MYOM2: variants seen among roughly 807,000 people sequenced by gnomAD.
MYOM2 encodes myomesin 2.
Under a neutral mutation model 187.6 loss-of-function variants are expected in MYOM2, and 254 were observed. The ratio of observed to expected loss-of-function variants is 1.35; its 90% CI spans 1.22 to 1.50. The LOEUF is 1.50. Ranked by LOEUF, MYOM2 falls within the 40% of genes most tolerant of loss-of-function variation. The pLI is 0.00. For missense variants in MYOM2, 2,796 were observed against 1,924.0 expected (o/e 1.45, Z -8.48); for synonymous variants, 981 against 753.8 (o/e 1.30, Z -4.94).
intron 32 of MYOM2, among the ~76,000 whole-genome samples, chr8:2,135,501 C>T (rs1015646175): frequency 2.6e-5 from 4 of 152,126 alleles, no homozygotes; most frequent in Non-Finnish European, 4.4e-5. Context: ...CTTCTCTCCT[C>T]CTCCCTGCTC....
chr8:2,078,622 G>T lies in MYOM2; in HGVS notation c.1263-112G>T, dbSNP rs751507600. On this transcript the variant is annotated intron_variant, in intron 11 of 36. Coordinates refer to ENST00000262113, the MANE Select transcript of MYOM2 (RefSeq NM_003970.4). Reference sequence around the variant, plus strand: ...TCTTAGCAGCAAAGATTTTACTGGCGTGAGATATTGTCCTGTTATAATCAG... The same window carrying T: ...TCTTAGCAGCAAAGATTTTACTGGCTTGAGATATTGTCCTGTTATAATCAG... The T allele has an allele frequency of 6.3e-6, 6 of 949,786 alleles. No individual in the cohort carries two copies. The Admixed American group carries it at 1.0e-4, about 16-fold the overall frequency. The allele number at this position is 949,786 out of a possible 1,614,324, so 58.8% of individuals were successfully genotyped here. A position where few individuals can be genotyped will look rare whatever the true frequency, so the allele number is the denominator to read the frequency against.
chr8:2,070,148 G>A (rs1051361257), intron 8 of MYOM2, among the ~76,000 whole-genome samples: 19 of 152,244 alleles, frequency 1.2e-4, no homozygotes, highest in African/African-American at 4.3e-4. Flanking sequence ...AGGGCATCTG[G>A]AGGACGGGGA....
At chr8:2,124,143 CAT>C (rs775149680) in intron 30 of MYOM2, 34 bp from the exon 31 acceptor site, 18 of 1,593,586 alleles carry the variant, frequency 1.1e-5, no homozygotes, top group Non-Finnish European at 1.5e-5. Context: ...GTTAAAGTTA[CAT>C]GTCGTAATGG....
At chr8:2,104,947 A>T (rs913593808) in intron 21 of MYOM2, among the ~76,000 whole-genome samples, 19 of 152,158 alleles carry the variant, frequency 1.2e-4, no homozygotes, top group Admixed American at 9.2e-4. Flanking sequence ...AATTTTTATT[A>T]TTCTGTTTTT....
At chr8:2,095,918 A>G (rs962970164) in intron 17 of MYOM2, among the ~76,000 whole-genome samples, 3 of 152,338 alleles carry the variant, frequency 2.0e-5, no homozygotes, top group African/African-American at 4.8e-5. Context: ...AGCTTCTTTC[A>G]AGGGGCCGAG....
chr8:2,086,354 G>A lies in MYOM2; in HGVS notation c.1644+964G>A, dbSNP rs1168697805. On this transcript the variant is annotated intron_variant, in intron 14 of 36. Coordinates refer to ENST00000262113, the MANE Select transcript of MYOM2 (RefSeq NM_003970.4). Reference sequence around the variant, plus strand: ...GGCCCCCCACTGTTGTGATCTCTGCGTGGCCTCCCACTGTTGTGATCTCTG... The same window carrying A: ...GGCCCCCCACTGTTGTGATCTCTGCATGGCCTCCCACTGTTGTGATCTCTG... 7.4e-5 allele frequency among the ~76,000 whole-genome samples: 4 copies of A among 54,352 alleles called. 1 individual carries two copies. Among genetic ancestry groups the A allele is most frequent in the African/African-American group, 1.6e-4 (2 of 12,874 alleles). The allele number at this position is 54,352 out of a possible 152,430, so 35.7% of individuals were successfully genotyped here.
At chr8:2,045,295 C>T (rs941275943) in intron 1 of MYOM2, 127 bp downstream of exon 1, 7 of 152,254 alleles carry the variant, frequency 4.6e-5, no homozygotes, top group Non-Finnish European at 1.0e-4. Flanking sequence ...TGCACCCCGT[C>T]GCAGGCACCC....
At chr8:2,125,708 A>C (rs899595038) in intron 31 of MYOM2, among the ~76,000 whole-genome samples, 1 of 146,456 alleles carries the variant, frequency 6.8e-6, no homozygotes, top group Non-Finnish European at 1.5e-5. Flanking sequence ...CCTGGGTTCA[A>C]GCGATTTTCC....
rs1034781021 is a variant in MYOM2, at chr8:2,059,026, C to T, written c.561-127C>T. On this transcript the variant is annotated intron_variant, in intron 5 of 36. Transcript: ENST00000262113. ...GGCCTCACCGTCAGGGCTCTGTCCT[C>T]CTCCCGCCTGAGGCTCTAAGGGAAA... The T allele has an allele frequency of 9.6e-6, 7 of 729,414 alleles. No homozygotes were observed. In the African/African-American group the frequency reaches 1.0e-4, roughly 11 times the overall value. The allele number at this position is 729,414 out of a possible 1,614,324, so 45.2% of individuals were successfully genotyped here.
At chr8:2,090,570 G>C (rs971281426) in intron 15 of MYOM2, among the ~76,000 whole-genome samples, 7 of 152,120 alleles carry the variant, frequency 4.6e-5, no homozygotes, top group African/African-American at 1.7e-4. Flanking sequence ...TCGTCACCCA[G>C]GTACCAAGCC....
intron 12 of MYOM2, 64 bp from the exon 13 acceptor site, chr8:2,079,496 G>A (rs1239537334): frequency 7.2e-6 from 11 of 1,529,786 alleles, no homozygotes; most frequent in Non-Finnish European, 9.1e-6. Flanking sequence ...CACAGAATGA[G>A]GGAAAACGGG....
chr8:2,126,381 C>G (rs1306604805), intron 31 of MYOM2, among the ~76,000 whole-genome samples: 1 of 152,102 alleles, frequency 6.6e-6, no homozygotes, highest in African/African-American at 2.4e-5. Context: ...CTCACATCCC[C>G]ACACTCACAC....
chr8:2,131,187 G>C (rs1032426556), intron 32 of MYOM2, among the ~76,000 whole-genome samples: 19 of 152,116 alleles, frequency 1.2e-4, no homozygotes, highest in African/African-American at 4.1e-4. Flanking sequence ...GTAGATGTAG[G>C]TCATGTTAGT....
rs565382890 is a variant in MYOM2, at chr8:2,095,987, A to G, written c.2126-260A>G. ...ATACCAGATTTAAACCGTTCATCCT[A>G]TGGAAGCCTTAGTAGATACACTTAG... On this transcript the variant is annotated intron_variant, in intron 17 of 36. Coordinates refer to ENST00000262113, the MANE Select transcript of MYOM2 (RefSeq NM_003970.4). Among the ~76,000 whole-genome samples the G allele has an allele frequency of 2.6e-5, 4 of 152,216 alleles. No homozygotes were observed. In the South Asian group the frequency reaches 6.2e-4, roughly 24 times the overall value.
Position 2,094,032 on chromosome 8 carries a change from C to A in MYOM2, c.2066C>A (p.Ala689Asp), listed in dbSNP as rs1170327681. Residue 689 changes from alanine to aspartate, a missense_variant, in exon 17 of 37, where the codon GCT becomes GAT. Physicochemically the swap from Ala to Asp is moderately radical, Grantham distance 126 (BLOSUM62 -2). Coordinates refer to ENST00000262113, the MANE Select transcript of MYOM2 (RefSeq NM_003970.4). ...ATCTTCCGAGTCAAGGCGGTCAATGCTGTGGGGATGAGTGAAAATTCCCAG... is the reference window on the plus strand; with the variant it reads ...ATCTTCCGAGTCAAGGCGGTCAATGATGTGGGGATGAGTGAAAATTCCCAG... Reference protein sequence around the residue: ...QYIFRVKAVNAVGMSENSQES... With the variant: ...QYIFRVKAVNDVGMSENSQES... 6 of 1,614,130 alleles carry A rather than the reference C, an allele frequency of 3.7e-6. No homozygotes were observed. Among genetic ancestry groups the A allele is most frequent in the Non-Finnish European group, 5.1e-6 (6 of 1,180,022 alleles).
chr8:2,112,936 G>A (rs562048322), intron 25 of MYOM2, among the ~76,000 whole-genome samples: 59 of 152,286 alleles, frequency 3.9e-4, no homozygotes, highest in African/African-American at 1.3e-3. Flanking sequence ...CTCATTTGCC[G>A]AGCACCACAG....
rs139081548 is a variant in MYOM2 at position 2,141,169 on chromosome 8, G to A, written c.3993G>A (p.Gln1331=). The change falls in exon 34 of 37, where the codon CAG becomes CAA. Residue 1331 remains glutamine (Q), a synonymous_variant. Coordinates refer to ENST00000262113, the MANE Select transcript of MYOM2 (RefSeq NM_003970.4). ...TTGATGAAGCATTTGCAGAATTCCAGCAATTCAAGTAAGATTTGTGTATTT... is the reference window on the plus strand; with the variant it reads ...TTGATGAAGCATTTGCAGAATTCCAACAATTCAAGTAAGATTTGTGTATTT... ...QAFDEAFAEF[Q]QFKAAAFAEK... The A allele has an allele frequency of 3.9e-3, 6,247 of 1,611,920 alleles. 20 individuals carry two copies. Among genetic ancestry groups the A allele is most frequent in the Middle Eastern group, 8.3e-3 (50 of 6,052 alleles).
chr8:2,082,522 G>A (rs1401650080), intron 13 of MYOM2, among the ~76,000 whole-genome samples: 1 of 152,108 alleles, frequency 6.6e-6, no homozygotes, highest in African/African-American at 2.4e-5. Flanking sequence ...ACTTTTTGCC[G>A]AGTTTTTCTC....
chr8:2,066,189 G>T (rs1375563199), intron 6 of MYOM2, among the ~76,000 whole-genome samples: 2 of 152,208 alleles, frequency 1.3e-5, no homozygotes, highest in African/African-American at 2.4e-5. Context: ...TGGTCCAGCA[G>T]GGTCACGTGC....
Sources: gnomAD v4.1 joint callset for allele counts (sites outside exome capture counted in the v4.1 genomes callset) on GRCh38, gnomAD v4.1.1 for gene constraint, MANE v1.5 for transcripts, NCBI Gene and HGNC (gene_info 2026-07-23, HGNC 2026-07-21) for gene names.